Variants in STAG2 observed in about 807,000 individuals in gnomAD.
The protein encoded by STAG2 is STAG2 cohesin complex component, also known as cohesin subunit SA-2.
A neutral mutation model predicts 108.1 loss-of-function variants in STAG2; 14 were observed. The observed-to-expected ratio is 0.13, with a 90% CI of 0.09 to 0.20. The LOEUF is 0.20. Ranked by LOEUF, STAG2 falls within the 10% of genes least tolerant of loss-of-function variation. STAG2 has a pLI of 1.00. For synonymous variants in STAG2, 307 were observed against 302.7 expected, an observed-to-expected ratio of 1.01 and a Z score of -0.15; for missense variants, 440 against 940.9, an observed-to-expected ratio of 0.47 and a Z score of 6.96.
chrX:124,001,094 A>T (rs1300828005), intron 1 of STAG2, among the ~76,000 whole-genome samples: 5 of 110,279 alleles, frequency 4.5e-5, no homozygotes, highest in Admixed American at 1.9e-4. Context: ...AAGAAAAAAA[A>T]TTTTTTTTTC....
chrX:123,983,342 C>G (rs955508275), intron 1 of STAG2, among the ~76,000 whole-genome samples: 5 of 110,463 alleles, frequency 4.5e-5, no homozygotes, highest in Non-Finnish European at 9.4e-5. Context: ...CAATTTACTA[C>G]TTAGGAAACC....
At position 123,972,370 on chromosome X, in the gene STAG2, A is replaced by G. The variant is rs780789398; in HGVS notation, c.-163+10514A>G. On this transcript the variant is annotated intron_variant, in intron 1 of 34. Coordinates refer to ENST00000371145, the MANE Select transcript of STAG2 (RefSeq NM_001042750.2). ...ACTGCAAGCTCCACCTCCGGGGTTC[A>G]CGCCATTCTCCTGCCTCAGCCTCCC... is the stretch of plus-strand genomic sequence containing the variant. Among the ~76,000 whole-genome samples, 88 of 107,113 alleles carry G rather than the reference A, an allele frequency of 8.2e-4. 1 individual carries two copies. Among genetic ancestry groups the G allele is most frequent in the African/African-American group, 2.8e-3 (81 of 29,170 alleles). 93.0% of individuals were successfully genotyped at this position (107,113 alleles called of 115,157 possible). A position where few individuals can be genotyped will look rare whatever the true frequency, so the allele number is the denominator to read the frequency against.
At chrX:123,996,382 T>TA (rs2055737571) in intron 1 of STAG2, among the ~76,000 whole-genome samples, 1 of 111,971 alleles carries the variant, frequency 8.9e-6, no homozygotes, top group African/African-American at 3.2e-5. Flanking sequence ...GGACATAAAT[T>TA]AAAAAATTAA....
intron 34 of STAG2, among the ~76,000 whole-genome samples, chrX:124,098,851 A>G (rs1488832427): frequency 2.7e-5 from 3 of 111,984 alleles, no homozygotes; most frequent in African/African-American, 9.7e-5. Context: ...TTTGTGTTGC[A>G]TATACATAAA....
intron 1 of STAG2, among the ~76,000 whole-genome samples, chrX:123,994,548 G>A (rs978029240): frequency 2.7e-5 from 3 of 112,064 alleles, no homozygotes; most frequent in Admixed American, 9.5e-5. Flanking sequence ...GTACACAATT[G>A]TAAGGAAACT....
At chrX:123,990,147 C>T (rs2055383663) in intron 1 of STAG2, among the ~76,000 whole-genome samples, 1 of 111,523 alleles carries the variant, frequency 9.0e-6, no homozygotes, top group African/African-American at 3.3e-5. Context: ...GCTGGACCAG[C>T]GGCTCAAGAG....
At chrX:123,997,938 G>C (rs1225305262) in intron 1 of STAG2, among the ~76,000 whole-genome samples, 1 of 112,000 alleles carries the variant, frequency 8.9e-6, no homozygotes, top group African/African-American at 3.2e-5. Context: ...ACTGCGCCTG[G>C]TCCCTTGTTG....
upstream of STAG2, chrX:123,961,279 C>T (rs2053837735): frequency 9.7e-6 from 1 of 103,232 alleles, no homozygotes; most frequent in Non-Finnish European, 2.0e-5. Context: ...GCCCAACTCT[C>T]CCTCGGGGCC....
intron 15 of STAG2, among the ~76,000 whole-genome samples, chrX:124,060,375 C>T (rs186290439): frequency 8.9e-6 from 1 of 112,302 alleles, no homozygotes; most frequent in South Asian, 3.7e-4. Context: ...ATCTGCCTGC[C>T]TCGGCCTCCC....
At chrX:124,021,839 G>T (rs2056937633) in intron 2 of STAG2, among the ~76,000 whole-genome samples, 1 of 110,676 alleles carries the variant, frequency 9.0e-6, no homozygotes, top group South Asian at 3.8e-4. Flanking sequence ...AACTGTATGT[G>T]CATGATACCA....
At chrX:124,094,350 A>G (rs1297754234) in intron 33 of STAG2, among the ~76,000 whole-genome samples, 2 of 111,514 alleles carry the variant, frequency 1.8e-5, no homozygotes, top group Non-Finnish European at 3.8e-5. Flanking sequence ...TAAGATGATA[A>G]CAATTGTCTG....
Position 124,066,431 on chromosome X carries a change from A to G in STAG2, c.2260A>G (p.Thr754Ala), listed in dbSNP as rs1397467148. Residue 754 changes from threonine to alanine, a missense_variant, in exon 23 of 35, where the codon ACA becomes GCA. By Grantham distance (58) the Thr-to-Ala change is moderately conservative. Transcript: ENST00000371145. ...TGCTAAGATAACTGAAAGCAGCTCT[A>G]CAAAGGTTTGTGGTGGTTCAGTAGT... is the stretch of plus-strand genomic sequence containing the variant. ...QLAKITESSS[T>A]KEDLLRLKKQ... The G allele has an allele frequency of 1.7e-6, 2 of 1,199,947 alleles. No homozygotes were observed. The highest frequency in any genetic ancestry group is 2.3e-6 in the Non-Finnish European group (2 of 887,611).
chrX:123,999,496 T>G (rs1281641715), intron 1 of STAG2, among the ~76,000 whole-genome samples: 2 of 111,160 alleles, frequency 1.8e-5, no homozygotes, highest in African/African-American at 6.5e-5. Flanking sequence ...CAGGCTAGAG[T>G]GCAGTGGCAT....
At chrX:123,984,276 C>G (rs1425171064) in intron 1 of STAG2, among the ~76,000 whole-genome samples, 2 of 110,585 alleles carry the variant, frequency 1.8e-5, no homozygotes, top group African/African-American at 6.6e-5. Flanking sequence ...TCATGCCCGG[C>G]CAAAAGAATA....
intron 1 of STAG2, among the ~76,000 whole-genome samples, chrX:124,006,289 A>G (rs1040507050): frequency 2.0e-4 from 22 of 111,167 alleles, no homozygotes; most frequent in African/African-American, 6.6e-4. Flanking sequence ...GCTCAGGTGT[A>G]AGGTTACTGG....
intron 13 of STAG2, among the ~76,000 whole-genome samples, chrX:124,054,443 G>C (rs1234124776): frequency 9.0e-6 from 1 of 111,471 alleles, no homozygotes; most frequent in African/African-American, 3.3e-5. Flanking sequence ...GTTAACTGTT[G>C]CATTCTTTAA....
intron 15 of STAG2, among the ~76,000 whole-genome samples, chrX:124,060,969 A>T (rs971398393): frequency 9.3e-6 from 1 of 108,034 alleles, no homozygotes; most frequent in Non-Finnish European, 1.9e-5. Flanking sequence ...TATATATTTT[A>T]TATAAAAATA....
At chrX:124,062,340 A>G (rs1159276112) in intron 17 of STAG2, among the ~76,000 whole-genome samples, 1 of 112,516 alleles carries the variant, frequency 8.9e-6, no homozygotes, top group Non-Finnish European at 1.9e-5. Flanking sequence ...ACTGTAAAGC[A>G]TAAAAATTCA....
intron 3 of STAG2, among the ~76,000 whole-genome samples, chrX:124,023,641 C>G (rs2148007581): frequency 9.0e-6 from 1 of 111,011 alleles, no homozygotes; most frequent in Admixed American, 9.6e-5. Flanking sequence ...TACATTAGAT[C>G]CTGTGAGGAA....
Sources: allele counts gnomAD v4.1 joint callset (sites outside exome capture counted in the v4.1 genomes callset), GRCh38; gene constraint gnomAD v4.1.1; transcripts MANE v1.5; gene names NCBI Gene and HGNC (gene_info 2026-07-23, HGNC 2026-07-21).